PELP1: variants seen among roughly 807,000 people sequenced by gnomAD.
PELP1 encodes proline, glutamate and leucine rich protein 1, also known as proline-, glutamic acid- and leucine-rich protein 1.
PELP1 carries 32 observed loss-of-function variants against 95.5 expected under a neutral mutation model. That is an observed-to-expected ratio of 0.34 (90% CI 0.25 to 0.45). PELP1 has a LOEUF of 0.45. PELP1 is among the 20% of genes least tolerant of loss of function. The pLI, the probability that PELP1 is intolerant of heterozygous loss-of-function variation, is 1.00. For missense variants in PELP1, 1,358 were observed against 1,444.8 expected (o/e 0.94, Z 0.97); for synonymous variants, 668 against 600.1 (o/e 1.11, Z -1.65).
intron 1 of PELP1, among the ~76,000 whole-genome samples, chr17:4,702,126 A>C (rs542606804): frequency 6.6e-6 from 1 of 152,308 alleles, no homozygotes; most frequent in South Asian, 2.1e-4. Flanking sequence ...TTATAAAAAA[A>C]ATTTCTGGGG....
intron 1 of PELP1, among the ~76,000 whole-genome samples, chr17:4,695,204 C>T (rs1323892408): frequency 6.6e-6 from 1 of 151,338 alleles, no homozygotes; most frequent in Non-Finnish European, 1.5e-5. Context: ...CGCCCGTAAT[C>T]CCAACTACTA....
intron 1 of PELP1, among the ~76,000 whole-genome samples, chr17:4,700,462 T>C (rs1464851379): frequency 2.6e-5 from 4 of 152,056 alleles, no homozygotes; most frequent in Non-Finnish European, 5.9e-5. Context: ...CTGACCAACA[T>C]GGTGAAACTC....
At chr17:4,679,036 T>C (rs1912602605) in intron 5 of PELP1, among the ~76,000 whole-genome samples, 1 of 151,850 alleles carries the variant, frequency 6.6e-6, no homozygotes, top group Non-Finnish European at 1.5e-5. Flanking sequence ...GATGACCTTT[T>C]TTTTTTTTGA....
intron 1 of PELP1, among the ~76,000 whole-genome samples, chr17:4,696,423 G>C (rs1410298433): frequency 2.0e-5 from 3 of 152,198 alleles, no homozygotes; most frequent in Admixed American, 6.5e-5. Flanking sequence ...TGTTGATGGA[G>C]AAAAGTGAGC....
At chr17:4,685,792 T>TTAAAAAAAA (rs1555553763) in intron 3 of PELP1, among the ~76,000 whole-genome samples, 1 of 119,578 alleles carries the variant, frequency 8.4e-6, no homozygotes, top group Non-Finnish European at 1.8e-5. Flanking sequence ...AACCATGTCT[T>TTAAAAAAAA]AAAAAAAAAA....
chr17:4,682,885 G>A lies in PELP1; in HGVS notation c.488C>T (p.Ala163Val). The change falls in exon 4 of 17, where the codon GCC (alanine) becomes GTC (valine). Residue 163 changes from alanine to valine, a missense_variant. Transcript: ENST00000572293. Reference protein sequence around the residue: ...AVLRDLLRYAAQLPALFRDIS... With the variant: ...AVLRDLLRYAVQLPALFRDIS... Reference sequence around the variant, plus strand: ...GTCCCGGAACAGTGCAGGCAGCTGGGCTGCATATCGGAGGAGGTCCCTCAG... The same window carrying A: ...GTCCCGGAACAGTGCAGGCAGCTGGACTGCATATCGGAGGAGGTCCCTCAG... The A allele has an allele frequency of 6.3e-7, 1 of 1,595,166 alleles. No individual in the cohort carries two copies. Among genetic ancestry groups the A allele is most frequent in the South Asian group, 1.1e-5 (1 of 87,290 alleles).
chr17:4,671,502 G>A lies in PELP1; in HGVS notation c.3330C>T (p.Ala1110=), dbSNP rs750465811. ...CATCAGGGGGACAATCGATGAAGTC[G>A]GCCAGCATGGCAGCTGTGTCATCCT... ...KEQDDTAAML[A]DFIDCPPDDE... The change falls in exon 17 of 17, where the codon GCC becomes GCT. Residue 1110 remains alanine, a synonymous_variant. Coordinates refer to ENST00000572293, the MANE Select transcript of PELP1 (RefSeq NM_014389.3). 36 of 1,613,462 alleles carry A rather than the reference G, an allele frequency of 2.2e-5. 1 individual carries two copies. The highest frequency in any genetic ancestry group is 2.2e-4 in the East Asian group (10 of 44,886).
At position 4,675,937 on chromosome 17, in the gene PELP1, C is replaced by A. The variant is rs1912449978; in HGVS notation, c.981-53G>T. The A allele has an allele frequency of 2.5e-6, 4 of 1,585,624 alleles. No individual in the cohort carries two copies. The highest frequency in any genetic ancestry group is 3.4e-6 in the Non-Finnish European group (4 of 1,162,142). On this transcript the variant is annotated intron_variant, in intron 8 of 16. Coordinates refer to ENST00000572293, the MANE Select transcript of PELP1 (RefSeq NM_014389.3). The surrounding 1 kb of genome is among the most constrained non-coding windows in gnomAD (Gnocchi z 4.3). ...TCAGAGCAGGCTCCCTGGCATAACT[C>A]CCACACCCACCTTCATCTCCTTTCT...
At chr17:4,686,485 C>T (rs994590971) in intron 3 of PELP1, among the ~76,000 whole-genome samples, 1 of 152,150 alleles carries the variant, frequency 6.6e-6, no homozygotes, top group African/African-American at 2.4e-5. Flanking sequence ...CCTTTCTAAT[C>T]CATTATCCAC....
chr17:4,690,324 G>A (rs921348706), intron 3 of PELP1, among the ~76,000 whole-genome samples: 1 of 152,050 alleles, frequency 6.6e-6, no homozygotes, highest in Admixed American at 6.6e-5. Context: ...TGAGTACAAC[G>A]TACACTGCTC....
chr17:4,676,973 A>G (rs1912506790), intron 5 of PELP1, among the ~76,000 whole-genome samples, 161 bp from the exon 6 acceptor site: 1 of 152,148 alleles, frequency 6.6e-6, no homozygotes, highest in Non-Finnish European at 1.5e-5. Context: ...GGGCACGGAC[A>G]TGCTTTCATG....
At position 4,675,804 on chromosome 17, in the gene PELP1, T is replaced by C; in HGVS notation, c.1061A>G (p.Lys354Arg). The change falls in exon 9 of 17, where the codon AAG becomes AGG. Residue 354 changes from lysine to arginine, a missense_variant. Physicochemically the swap from Lys to Arg is conservative, Grantham distance 26. This residue lies in a region of PELP1 where 538 missense variants were observed against 628.1 expected (regional missense o/e 0.86). Coordinates refer to ENST00000572293, the MANE Select transcript of PELP1 (RefSeq NM_014389.3). This position sits in a 1 kb window ranked among gnomAD's most constrained non-coding sequence, Gnocchi z 4.3. The part of the protein sequence containing the change: ...FICRTLSVSS[K>R]NISLHGDGPL... ...ATGACAAATCCCACTTACAATATTCTTGCTACTGACGCTGAGGGTCCGGCA... is the reference window on the plus strand; with the variant it reads ...ATGACAAATCCCACTTACAATATTCCTGCTACTGACGCTGAGGGTCCGGCA... 6.4e-7 allele frequency: 1 copy of C among 1,573,566 alleles called. No individual in the cohort carries two copies. The highest frequency in any genetic ancestry group is 8.6e-7 in the Non-Finnish European group (1 of 1,158,642).
chr17:4,685,799 A>AAAAAAAAAG (rs150717757), intron 3 of PELP1, among the ~76,000 whole-genome samples: 72 of 143,532 alleles, frequency 5.0e-4, no homozygotes, highest in Admixed American at 1.3e-3. Context: ...TCTTAAAAAA[A>AAAAAAAAAG]AAAGAACAAA....
Position 4,675,422 on chromosome 17 carries a change from CAG to C in PELP1, c.1069-62_1069-61del, listed in dbSNP as rs1485722850. On this transcript the variant is annotated intron_variant, in intron 9 of 16. Coordinates refer to ENST00000572293, the MANE Select transcript of PELP1 (RefSeq NM_014389.3). The surrounding 1 kb of genome is among the most constrained non-coding windows in gnomAD (Gnocchi z 4.3). ...GAAGAAAGTGAGAGCCAGAGAGAGA[CAG>C]AAACAGGGAATGACCATTTACATAT... 1.7e-5 allele frequency: 18 copies of C among 1,073,728 alleles called. No homozygotes were observed. The highest frequency in any genetic ancestry group is 2.4e-5 in the Non-Finnish European group (17 of 720,208). 66.5% of individuals were successfully genotyped at this position (1,073,728 alleles called of 1,614,324 possible).
chr17:4,681,836 T>C (rs557394837), intron 5 of PELP1, among the ~76,000 whole-genome samples: 5 of 150,896 alleles, frequency 3.3e-5, no homozygotes, highest in African/African-American at 4.9e-5. Flanking sequence ...TGTGAATTGG[T>C]TGAACGTTAA....
chr17:4,700,888 G>A (rs997076803), intron 1 of PELP1, among the ~76,000 whole-genome samples: 1 of 147,558 alleles, frequency 6.8e-6, no homozygotes, highest in Admixed American at 6.9e-5. Flanking sequence ...CCATAATCTG[G>A]CCACTGCACT....
intron 3 of PELP1, among the ~76,000 whole-genome samples, chr17:4,683,954 G>T (rs932411893): frequency 1.4e-5 from 2 of 143,124 alleles, no homozygotes; most frequent in African/African-American, 5.2e-5. Flanking sequence ...TCATACTAAT[G>T]TTCCCTGCTA....
At chr17:4,677,513 G>A (rs989672338) in intron 5 of PELP1, among the ~76,000 whole-genome samples, 1 of 152,202 alleles carries the variant, frequency 6.6e-6, no homozygotes, top group Admixed American at 6.5e-5. Flanking sequence ...GTCACTAATA[G>A]AATCATTTTC....
At chr17:4,683,133 A>G (rs1912753655) in intron 3 of PELP1, 181 bp from the exon 4 acceptor site, 1 of 1,228,114 alleles carries the variant, frequency 8.1e-7, no homozygotes, top group Non-Finnish European at 1.0e-6. Context: ...TTTTACTATT[A>G]CGGGTATCTG....
Sources: allele counts gnomAD v4.1 joint callset (sites outside exome capture counted in the v4.1 genomes callset), GRCh38; gene constraint gnomAD v4.1.1; regional missense constraint gnomAD v4.1.1; non-coding constraint Gnocchi (gnomAD v3.1); transcripts MANE v1.5; gene names NCBI Gene and HGNC (gene_info 2026-07-23, HGNC 2026-07-21).